The following TEX2 variants were observed in gnomAD, a reference collection of about 807,000 sequenced individuals.
The protein encoded by TEX2 is testis expressed 2.
TEX2 carries 53 observed loss-of-function variants against 106.9 expected under a neutral mutation model. The observed-to-expected ratio is 0.50, with a 90% CI of 0.40 to 0.62. The LOEUF (loss-of-function observed/expected upper bound fraction) is 0.62. TEX2 is among the 20% of genes least tolerant of loss of function. The pLI, the probability that TEX2 is intolerant of heterozygous loss-of-function variation, is 0.00. For synonymous variants in TEX2, 523 were observed against 534.8 expected (o/e 0.98, Z 0.30); for missense variants, 1,207 against 1,379.0 (o/e 0.88, Z 1.98).
At chr17:64,238,880 A>G (rs1415055682) in intron 1 of TEX2, among the ~76,000 whole-genome samples, 2 of 152,240 alleles carry the variant, frequency 1.3e-5, no homozygotes, top group African/African-American at 4.8e-5. Flanking sequence ...TGAGCAAAGC[A>G]GGGTCTTTGC....
intron 2 of TEX2, among the ~76,000 whole-genome samples, chr17:64,209,144 G>A (rs2032924247): frequency 1.3e-5 from 2 of 152,184 alleles, no homozygotes; most frequent in South Asian, 2.1e-4. Context: ...GAATATTAGG[G>A]AAGACAGATA....
intron 2 of TEX2, among the ~76,000 whole-genome samples, chr17:64,208,083 G>A (rs942943302): frequency 2.6e-5 from 4 of 152,210 alleles, no homozygotes; most frequent in Middle Eastern, 3.4e-3. Flanking sequence ...GCAGCACTGC[G>A]TGAGCACTGG....
chr17:64,220,400 A>G (rs1555633151), intron 1 of TEX2, among the ~76,000 whole-genome samples: 1 of 152,190 alleles, frequency 6.6e-6, no homozygotes, highest in African/African-American at 2.4e-5. Context: ...AAAATAAACT[A>G]TCATCAGAGT....
chr17:64,182,189 T>C (rs139487963), intron 5 of TEX2, among the ~76,000 whole-genome samples: 7 of 152,218 alleles, frequency 4.6e-5, no homozygotes, highest in Middle Eastern at 3.4e-3. Context: ...CATGGATGAA[T>C]CTTGAGGTCA....
chr17:64,218,254 A>G (rs1555632862), intron 1 of TEX2, among the ~76,000 whole-genome samples: 2 of 152,024 alleles, frequency 1.3e-5, no homozygotes, highest in Non-Finnish European at 2.9e-5. Flanking sequence ...TCCAGAAAAA[A>G]AAAAGTCTGA....
chr17:64,187,727 G>T (rs1164603532), intron 5 of TEX2, among the ~76,000 whole-genome samples: 2 of 151,960 alleles, frequency 1.3e-5, no homozygotes, highest in African/African-American at 4.8e-5. Context: ...CCTACAGCGG[G>T]CCCTTGGGTT....
At chr17:64,254,231 C>T (rs1469609053) in intron 1 of TEX2, among the ~76,000 whole-genome samples, 1 of 152,210 alleles carries the variant, frequency 6.6e-6, no homozygotes, top group African/African-American at 2.4e-5. Flanking sequence ...GTCTTTGAGC[C>T]TTGCTCTTAA....
intron 5 of TEX2, among the ~76,000 whole-genome samples, chr17:64,183,859 G>A (rs2143829894): frequency 6.6e-6 from 1 of 152,164 alleles, no homozygotes; most frequent in East Asian, 1.9e-4. Context: ...TCGAACTCCT[G>A]AGCTCAAGTG....
At chr17:64,228,623 G>A (rs905113015) in intron 1 of TEX2, among the ~76,000 whole-genome samples, 1 of 152,152 alleles carries the variant, frequency 6.6e-6, no homozygotes, top group Non-Finnish European at 1.5e-5. Flanking sequence ...ATGGAAAGGG[G>A]CTGTAAATAC....
At chr17:64,182,315 TGG>T (rs2031908118) in intron 5 of TEX2, among the ~76,000 whole-genome samples, 1 of 152,100 alleles carries the variant, frequency 6.6e-6, no homozygotes, top group African/African-American at 2.4e-5. Context: ...TGCCAGGGGC[TGG>T]GAGGAGGGGG....
intron 2 of TEX2, among the ~76,000 whole-genome samples, chr17:64,197,489 T>C (rs1016131333): frequency 1.2e-4 from 19 of 152,182 alleles, no homozygotes; most frequent in African/African-American, 3.9e-4. Flanking sequence ...CTGACACTGG[T>C]AATTTGTGCT....
At chr17:64,212,538 G>C (rs1205198453) in intron 2 of TEX2, 36 bp downstream of exon 2, 6 of 1,537,974 alleles carry the variant, frequency 3.9e-6, no homozygotes, top group Non-Finnish European at 5.3e-6. Flanking sequence ...TATGTGAGAA[G>C]TGTGTGTACT....
At chr17:64,246,034 T>C (rs1022815347) in intron 1 of TEX2, among the ~76,000 whole-genome samples, 1 of 152,148 alleles carries the variant, frequency 6.6e-6, no homozygotes, top group Admixed American at 6.5e-5. Context: ...TGTGAGGACG[T>C]GTGCTGCCAA....
At chr17:64,168,663 C>G (rs1200076071) in intron 7 of TEX2, among the ~76,000 whole-genome samples, 3 of 152,172 alleles carry the variant, frequency 2.0e-5, no homozygotes, top group Non-Finnish European at 2.9e-5. Flanking sequence ...AAGGGCAGTC[C>G]TGAGATAAGA....
At chr17:64,175,455 A>T (rs2031581333) in intron 6 of TEX2, among the ~76,000 whole-genome samples, 1 of 152,222 alleles carries the variant, frequency 6.6e-6, no homozygotes. Context: ...TCAACGGGAG[A>T]AAATGAAAAC....
rs1048076108 is a variant in TEX2, at chr17:64,171,303, G to T, written c.2572-104C>A. 6.1e-5 allele frequency: 54 copies of T among 890,272 alleles called. No homozygotes were observed. The Admixed American group carries it at 1.1e-3, about 18-fold the overall frequency. The allele number at this position is 890,272 out of a possible 1,614,324, so 55.1% of individuals were successfully genotyped here. A position where few individuals can be genotyped will look rare whatever the true frequency, so the allele number is the denominator to read the frequency against. On this transcript the variant is annotated intron_variant, in intron 6 of 11. Coordinates refer to ENST00000584379, the MANE Select transcript of TEX2 (RefSeq NM_001288732.2). ...GAGAGGATGGTGGCCAAGGTTTTGGGGACATATCATTTATGTAACGAAAAC... is the reference window on the plus strand; with the variant it reads ...GAGAGGATGGTGGCCAAGGTTTTGGTGACATATCATTTATGTAACGAAAAC...
At chr17:64,224,020 T>A (rs937053838) in intron 1 of TEX2, among the ~76,000 whole-genome samples, 2 of 152,230 alleles carry the variant, frequency 1.3e-5, no homozygotes. Flanking sequence ...TTCAAGGTCA[T>A]TATTCACATT....
chr17:64,240,232 G>GGT (rs1567964351), intron 1 of TEX2, among the ~76,000 whole-genome samples: 21 of 130,910 alleles, frequency 1.6e-4, no homozygotes, highest in Non-Finnish European at 3.0e-4. Context: ...TGTATATGCA[G>GGT]ATGTGTGTGT....
chr17:64,253,684 C>T (rs2034134461), intron 1 of TEX2, among the ~76,000 whole-genome samples: 1 of 152,120 alleles, frequency 6.6e-6, no homozygotes, highest in African/African-American at 2.4e-5. Flanking sequence ...TGGTGCAGGA[C>T]TAGATAAGGG....
Sources: allele counts gnomAD v4.1 joint callset (sites outside exome capture counted in the v4.1 genomes callset), GRCh38; gene constraint gnomAD v4.1.1; transcripts MANE v1.5; gene names NCBI Gene and HGNC (gene_info 2026-07-23, HGNC 2026-07-21).